RHOBTB3: variants seen among roughly 807,000 people sequenced by gnomAD.
The protein encoded by RHOBTB3 is Rho related BTB domain containing 3, also known as rho-related BTB domain-containing protein 3.
A neutral mutation model predicts 67.2 loss-of-function variants in RHOBTB3; 47 were observed. The observed-to-expected ratio is 0.70, with a 90% CI of 0.55 to 0.89. The LOEUF (loss-of-function observed/expected upper bound fraction) is 0.89. Among genes scored for constraint, RHOBTB3 ranks in the 40% least tolerant of loss-of-function variants. The probability of loss-of-function intolerance (pLI) is 0.00; values close to 1 mark genes in which losing one functional copy is unlikely to be tolerated. For missense variants in RHOBTB3, 631 were observed against 750.0 expected (o/e 0.84, Z 1.85); for synonymous variants, 273 against 274.2 (o/e 1.00, Z 0.04).
chr5:95,726,813 C>G (rs997301766), upstream of RHOBTB3, among the ~76,000 whole-genome samples: 1 of 152,176 alleles, frequency 6.6e-6, no homozygotes, highest in African/African-American at 2.4e-5. Flanking sequence ...TGAAAGTGAA[C>G]AAAGGAGGCA....
At chr5:95,782,039 TAA>T (rs1746063580) in intron 9 of RHOBTB3, 1 of 152,234 alleles carries the variant, frequency 6.6e-6, no homozygotes, top group African/African-American at 2.4e-5. Flanking sequence ...CTGCTAATAT[TAA>T]GTTTTACCTT....
At chr5:95,788,904 G>T in intron 11 of RHOBTB3, 46 bp downstream of exon 11, 1 of 1,179,126 alleles carries the variant, frequency 8.5e-7, no homozygotes, top group Non-Finnish European at 1.2e-6. Flanking sequence ...TATGTTCTTT[G>T]TTCTTAGATT....
upstream of RHOBTB3, chr5:95,731,207 A>G: frequency 1.0e-6 from 1 of 1,001,030 alleles, no homozygotes; most frequent in South Asian, 4.2e-5. Flanking sequence ...CTCCGCGGGG[A>G]GCGCGTCCCC....
chr5:95,741,154 C>T lies in RHOBTB3; in HGVS notation c.415+4079C>T, dbSNP rs578143713. 1.3e-3 allele frequency among the ~76,000 whole-genome samples: 195 copies of T among 151,990 alleles called. 1 individual carries two copies. Among genetic ancestry groups the T allele is most frequent in the African/African-American group, 4.5e-3 (186 of 41,446 alleles). The stretch of plus-strand genomic sequence containing the variant: ...CCATCCTGGCTAACACGGTGAAACC[C>T]GGTCTCTACTAAAAATATGAAAAAT... On this transcript the variant is annotated intron_variant, in intron 3 of 11. Transcript: ENST00000379982.
chr5:95,737,874 C>T (rs1561439712), intron 3 of RHOBTB3, among the ~76,000 whole-genome samples: 1 of 152,190 alleles, frequency 6.6e-6, no homozygotes. Context: ...ATGCTCTTCC[C>T]AGTTAATAAC....
rs776241054 is a variant in RHOBTB3, at chr5:95,732,039, T to G, written c.183T>G (p.Ser61Arg). The change falls in exon 2 of 12, where the codon AGT becomes AGG. Residue 61 changes from serine to arginine, a missense_variant. By Grantham distance (110) the Ser-to-Arg change is moderately radical. Transcript: ENST00000379982. ...ARPVFTEYQA[S>R]AFGNVKLVVH... ...CGGTGTTCACCGAGTATCAGGCCAG[T>G]GCGTTTGGGAATGTCAAGCTGGTGG... 6.2e-7 allele frequency: 1 copy of G among 1,614,110 alleles called. No homozygotes were observed. The highest frequency in any genetic ancestry group is 8.5e-7 in the Non-Finnish European group (1 of 1,180,026).
At chr5:95,747,625 A>G (rs1744959670) in intron 3 of RHOBTB3, among the ~76,000 whole-genome samples, 1 of 152,232 alleles carries the variant, frequency 6.6e-6, no homozygotes, top group Non-Finnish European at 1.5e-5. Flanking sequence ...TCCTAGCCAT[A>G]GATGTATACA....
At chr5:95,743,482 C>A (rs1168223636) in intron 3 of RHOBTB3, among the ~76,000 whole-genome samples, 4 of 152,018 alleles carry the variant, frequency 2.6e-5, no homozygotes, top group Non-Finnish European at 5.9e-5. Context: ...GCAGTGTGAG[C>A]CTGTACTCAG....
chr5:95,793,017 AT>A, intron 11 of RHOBTB3, 41 bp from the exon 12 acceptor site: 1 of 1,354,458 alleles, frequency 7.4e-7, no homozygotes, highest in Non-Finnish European at 1.1e-6. Flanking sequence ...TTGATCCATA[AT>A]AAAACATATT....
intron 2 of RHOBTB3, chr5:95,732,346 C>T (rs533593417): frequency 6.5e-5 from 38 of 587,674 alleles, no homozygotes; most frequent in Non-Finnish European, 1.1e-4. Context: ...TGGGTTGACC[C>T]TTGGTAGGCA....
chr5:95,763,668 A>G (rs758397525), intron 7 of RHOBTB3, 48 bp downstream of exon 7: 2 of 1,029,628 alleles, frequency 1.9e-6, no homozygotes, highest in Non-Finnish European at 3.1e-6. Flanking sequence ...TCTGAATTAT[A>G]ACTCACATAC....
intron 7 of RHOBTB3, 179 bp from the exon 8 acceptor site, chr5:95,767,867 A>G (rs1206931856): frequency 7.0e-6 from 5 of 718,580 alleles, no homozygotes; most frequent in Non-Finnish European, 1.3e-5. Context: ...GTTCACTGAC[A>G]GGCAGCCCAT....
chr5:95,747,057 G>A (rs1326558979), intron 3 of RHOBTB3, among the ~76,000 whole-genome samples: 1 of 152,168 alleles, frequency 6.6e-6, no homozygotes, highest in African/African-American at 2.4e-5. Flanking sequence ...AGTTATTGGG[G>A]CTTGTTGGCT....
chr5:95,749,637 TA>T (rs1195578879), intron 4 of RHOBTB3, among the ~76,000 whole-genome samples: 2 of 152,318 alleles, frequency 1.3e-5, no homozygotes, highest in Non-Finnish European at 2.9e-5. Flanking sequence ...TAGTGGCTTT[TA>T]AAAAAATCTT....
intron 6 of RHOBTB3, among the ~76,000 whole-genome samples, 153 bp from the exon 7 acceptor site, chr5:95,763,355 C>G (rs1745444940): frequency 6.6e-6 from 1 of 152,070 alleles, no homozygotes; most frequent in South Asian, 2.1e-4. Context: ...AATGTGAGTA[C>G]TGTTTAAATG....
At chr5:95,753,247 G>A (rs1387000392) in intron 5 of RHOBTB3, among the ~76,000 whole-genome samples, 1 of 151,570 alleles carries the variant, frequency 6.6e-6, no homozygotes, top group Admixed American at 6.6e-5. Context: ...GTGTGTGTGT[G>A]TGTGTGTGTG....
At chr5:95,718,479 G>A (rs1754755400) in intron 1 of RHOBTB3, among the ~76,000 whole-genome samples, 1 of 152,216 alleles carries the variant, frequency 6.6e-6, no homozygotes, top group African/African-American at 2.4e-5. Flanking sequence ...TTCCCCAGCT[G>A]ATGCCTCCGT....
In RHOBTB3 at chr5:95,752,338, C is replaced by A; in HGVS notation, c.670C>A (p.Leu224Ile). The part of the protein sequence containing the change: ...NSFHGIRPPQ[L>I]EQPEKMPVLK... ...CTTTCATGGAATTAGACCACCTCAA[C>A]TTGAACAACCAGGTGCATTTCTTAG... The change falls in exon 5 of 12, where the codon CTT becomes ATT. Residue 224 changes from leucine to isoleucine, a missense_variant. Coordinates refer to ENST00000379982, the MANE Select transcript of RHOBTB3 (RefSeq NM_014899.4). The A allele has an allele frequency of 6.3e-7, 1 of 1,596,660 alleles. No homozygotes were observed. The highest frequency in any genetic ancestry group is 1.1e-5 in the South Asian group (1 of 88,286).
chr5:95,792,518 C>A (rs78655654), intron 11 of RHOBTB3, among the ~76,000 whole-genome samples: 1 of 151,794 alleles, frequency 6.6e-6, no homozygotes, highest in Non-Finnish European at 1.5e-5. Context: ...GGAAGCCAGG[C>A]GTGGTGGCTC....
Sources: gnomAD v4.1 joint callset for allele counts (sites outside exome capture counted in the v4.1 genomes callset) on GRCh38, gnomAD v4.1.1 for gene constraint, MANE v1.5 for transcripts, NCBI Gene and HGNC (gene_info 2026-07-23, HGNC 2026-07-21) for gene names.